Variants in TENM1 observed in about 807,000 individuals in gnomAD.
TENM1 encodes the protein teneurin-1.
TENM1 carries 35 observed loss-of-function variants against 174.8 expected under a neutral mutation model. The ratio of observed to expected loss-of-function variants is 0.20; its 90% confidence interval spans 0.15 to 0.27. TENM1 has a LOEUF of 0.27. Ranked by LOEUF, TENM1 falls within the 10% of genes least tolerant of loss-of-function variation. TENM1 has a pLI of 1.00. For synonymous variants in TENM1, 781 were observed against 798.7 expected (o/e 0.98, Z 0.37); for missense variants, 1,633 against 2,130.1 (o/e 0.77, Z 4.59).
chrX:125,051,824 A>C, the TENM1 span, among the ~76,000 whole-genome samples: 2 of 104,458 alleles, frequency 1.9e-5, no homozygotes, highest in Non-Finnish European at 3.9e-5. Flanking sequence ...CAATGGCAAC[A>C]AAAGCCAAAA....
chrX:124,867,310 C>T, intron 3 of TENM1, among the ~76,000 whole-genome samples: 1 of 111,533 alleles, frequency 9.0e-6, no homozygotes, highest in East Asian at 2.8e-4. Context: ...GGGATTTATC[C>T]CTGAGATGCA....
intron 3 of TENM1, among the ~76,000 whole-genome samples, chrX:124,833,460 C>T (rs1052350926): frequency 9.0e-6 from 1 of 111,574 alleles, no homozygotes; most frequent in African/African-American, 3.3e-5. Flanking sequence ...CATTATATTT[C>T]TCATATTTTA....
chrX:124,425,202 CT>C (rs1790542291), intron 23 of TENM1, among the ~76,000 whole-genome samples: 2 of 112,230 alleles, frequency 1.8e-5, no homozygotes, highest in African/African-American at 6.5e-5. Flanking sequence ...GCAGCTATCT[CT>C]TTGACATACT....
At chrX:124,488,814 C>T (rs1368094804) in intron 20 of TENM1, among the ~76,000 whole-genome samples, 3 of 112,147 alleles carry the variant, frequency 2.7e-5, no homozygotes, top group Admixed American at 9.5e-5. Flanking sequence ...AGCAGATTCT[C>T]ATGGTACAGA....
At chrX:124,931,439 G>A (rs190043806) in intron 1 of TENM1, among the ~76,000 whole-genome samples, 193 of 111,197 alleles carry the variant, frequency 1.7e-3, no homozygotes, top group Non-Finnish European at 3.0e-3. Context: ...CATAGGAAAA[G>A]TAGAACAAAC....
the TENM1 span, among the ~76,000 whole-genome samples, chrX:125,172,028 G>A: frequency 9.0e-6 from 1 of 111,633 alleles, no homozygotes; most frequent in Non-Finnish European, 1.9e-5. Context: ...CAGTTGGAAA[G>A]ATAATTTTAG....
At chrX:124,690,903 T>C (rs1018030838) in intron 5 of TENM1, among the ~76,000 whole-genome samples, 1 of 108,461 alleles carries the variant, frequency 9.2e-6, no homozygotes, top group Non-Finnish European at 1.9e-5. Context: ...AATAAACCTC[T>C]TTTCTTTATA....
At chrX:125,032,660 G>T in the TENM1 span, among the ~76,000 whole-genome samples, 2 of 111,192 alleles carry the variant, frequency 1.8e-5, no homozygotes, top group Non-Finnish European at 1.9e-5. Context: ...AGTCAGCAAG[G>T]TTTCCTCCAA....
exon 30 of TENM1, chrX:124,384,839 C>T: frequency 8.3e-7 from 1 of 1,203,604 alleles, no homozygotes; most frequent in Non-Finnish European, 1.1e-6. Context: ...GAAAATCTGG[C>T]GTCCAATAAG....
At chrX:124,879,318 C>T (rs1652295530) in intron 3 of TENM1, among the ~76,000 whole-genome samples, 1 of 112,099 alleles carries the variant, frequency 8.9e-6, no homozygotes, top group South Asian at 3.7e-4. Context: ...TCATTCTAAA[C>T]TCCATCTCCA....
the TENM1 span, among the ~76,000 whole-genome samples, chrX:125,057,261 C>A: frequency 9.9e-5 from 11 of 111,213 alleles, no homozygotes; most frequent in East Asian, 3.1e-3. Context: ...TATACCCTCT[C>A]GGGCATGTGA....
At chrX:124,698,623 G>C (rs770628371) in intron 5 of TENM1, among the ~76,000 whole-genome samples, 8 of 110,864 alleles carry the variant, frequency 7.2e-5, no homozygotes, top group African/African-American at 2.6e-4. Flanking sequence ...TAATTGTCTT[G>C]CCCTAATGAA....
the TENM1 span, among the ~76,000 whole-genome samples, chrX:125,103,314 T>A: frequency 9.0e-6 from 1 of 111,399 alleles, no homozygotes. Context: ...TCTTCAATAT[T>A]ATAAATTTGT....
chrX:124,504,038 C>T (rs2147999096), intron 18 of TENM1, among the ~76,000 whole-genome samples: 1 of 111,688 alleles, frequency 9.0e-6, no homozygotes, highest in Non-Finnish European at 1.9e-5. Context: ...ATGCTTTCTG[C>T]AGGATTAAGC....
At chrX:124,503,279 C>A (rs1164230210) in intron 19 of TENM1, among the ~76,000 whole-genome samples, 1 of 110,874 alleles carries the variant, frequency 9.0e-6, no homozygotes, top group Admixed American at 9.6e-5. Flanking sequence ...AACTCAGGGG[C>A]CACCTCTGCC....
At chrX:125,048,057 C>T in the TENM1 span, among the ~76,000 whole-genome samples, 1 of 110,662 alleles carries the variant, frequency 9.0e-6, no homozygotes, top group Admixed American at 9.7e-5. Flanking sequence ...AAAGAAATTT[C>T]CTGACAATTT....
At chrX:124,973,470 AC>A in the TENM1 span, among the ~76,000 whole-genome samples, 1 of 111,692 alleles carries the variant, frequency 9.0e-6, no homozygotes, top group Non-Finnish European at 1.9e-5. Context: ...TGGGGATAGC[AC>A]TGAATCTCTA....
chrX:124,886,548 T>TAG (rs57122660), intron 3 of TENM1, among the ~76,000 whole-genome samples: 1,092 of 59,886 alleles, frequency 0.018, 20 homozygotes, highest in East Asian at 0.096. Context: ...TATATATATA[T>TAG]AGAGAGAGAG....
At chrX:124,725,088 C>T (rs957408551) in intron 4 of TENM1, among the ~76,000 whole-genome samples, 1 of 111,182 alleles carries the variant, frequency 9.0e-6, no homozygotes, top group Non-Finnish European at 1.9e-5. Context: ...TATAAATTAC[C>T]CAGTCTAAAA....
Sources: allele counts gnomAD v4.1 joint callset (sites outside exome capture counted in the v4.1 genomes callset), GRCh38; gene constraint gnomAD v4.1.1; transcripts MANE v1.5; gene names NCBI Gene and HGNC (gene_info 2026-07-23, HGNC 2026-07-21).